Variants in PVT1 observed in about 807,000 individuals in gnomAD.
PVT1 encodes Pvt1 oncogene, also known as CXCR4/PVT1 fusion.
At chr8:127,993,624 C>A (rs562783918) in intron 4 of PVT1, among the ~76,000 whole-genome samples, 97 of 152,324 alleles carry the variant, frequency 6.4e-4, no homozygotes, top group African/African-American at 2.3e-3. Context: ...GGCATTTTGA[C>A]AGCACATAGG....
chr8:127,841,907 G>A (rs1157354973), intron 2 of PVT1, among the ~76,000 whole-genome samples: 1 of 151,934 alleles, frequency 6.6e-6, no homozygotes, highest in Non-Finnish European at 1.5e-5. Flanking sequence ...TGTCTTTTTA[G>A]TAGAGACGGG....
At chr8:127,912,358 C>T (rs1447717334) in intron 3 of PVT1, among the ~76,000 whole-genome samples, 1 of 152,200 alleles carries the variant, frequency 6.6e-6, no homozygotes, top group Non-Finnish European at 1.5e-5. Flanking sequence ...TTTACACACC[C>T]ACTCTACAGA....
intron 3 of PVT1, among the ~76,000 whole-genome samples, chr8:127,919,898 C>T (rs1816036617): frequency 6.6e-6 from 1 of 152,178 alleles, no homozygotes; most frequent in Admixed American, 6.5e-5. Flanking sequence ...CTTATCCCTT[C>T]GCAGCGGTAG....
chr8:127,997,877 C>T (rs757187711), intron 4 of PVT1, among the ~76,000 whole-genome samples: 3 of 152,176 alleles, frequency 2.0e-5, no homozygotes, highest in Admixed American at 6.5e-5. Context: ...TGGGCTGTGC[C>T]GCTTTCTCAG....
chr8:127,817,554 C>CAT (rs1814680471), intron 2 of PVT1, among the ~76,000 whole-genome samples: 1 of 80,518 alleles, frequency 1.2e-5, no homozygotes, highest in Non-Finnish European at 2.7e-5. Context: ...TATACACACA[C>CAT]ACACACATAT....
chr8:127,916,094 C>G (rs1389772352), intron 3 of PVT1, among the ~76,000 whole-genome samples: 1 of 152,216 alleles, frequency 6.6e-6, no homozygotes, highest in East Asian at 1.9e-4. Flanking sequence ...AGTCACAGTT[C>G]CACTATGTGG....
chr8:127,866,246 G>A (rs1449062742), intron 2 of PVT1, among the ~76,000 whole-genome samples: 1 of 152,154 alleles, frequency 6.6e-6, no homozygotes, highest in East Asian at 1.9e-4. Context: ...CACCCTCATG[G>A]TTTTCCATAA....
At chr8:127,850,291 T>C (rs1815094017) in intron 2 of PVT1, among the ~76,000 whole-genome samples, 1 of 152,176 alleles carries the variant, frequency 6.6e-6, no homozygotes, top group Non-Finnish European at 1.5e-5. Flanking sequence ...CAGGGAGTAG[T>C]ACTTTGGCCT....
At chr8:127,914,496 A>C (rs1815955423) in intron 3 of PVT1, among the ~76,000 whole-genome samples, 1 of 152,142 alleles carries the variant, frequency 6.6e-6, no homozygotes. Context: ...GTATGTCCAC[A>C]AAAAGCTTTT....
intron 4 of PVT1, among the ~76,000 whole-genome samples, chr8:128,065,429 AC>A (rs1477955499): frequency 6.6e-5 from 10 of 152,016 alleles, no homozygotes; most frequent in Non-Finnish European, 5.9e-5. Flanking sequence ...CAAGTGATCC[AC>A]CCACCTCAAT....
At chr8:127,843,267 C>T (rs754485695) in intron 2 of PVT1, among the ~76,000 whole-genome samples, 1 of 150,732 alleles carries the variant, frequency 6.6e-6, no homozygotes, top group Non-Finnish European at 1.5e-5. Context: ...ACTGCTTGAA[C>T]CCGGGAGGTG....
intron 4 of PVT1, among the ~76,000 whole-genome samples, chr8:128,054,592 C>T (rs1215572684): frequency 6.6e-6 from 1 of 152,154 alleles, no homozygotes; most frequent in East Asian, 1.9e-4. Context: ...GTCAGTTCTC[C>T]TTGTCTTCTG....
rs529042679 is a variant in PVT1 at position 127,907,053 on chromosome 8, C to T, written n.782+16055C>T. Among the ~76,000 whole-genome samples, 583 of 151,982 alleles carry T rather than the reference C, an allele frequency of 3.8e-3. 9 individuals are homozygous for T. The highest frequency in any genetic ancestry group is 0.013 in the African/African-American group (551 of 41,414). Reference sequence around the variant, plus strand: ...TCAGCTCACTTCAACCTCCCTCTCCCGGGCTCAAGCAATTCTCCTGTCTCA... The same window carrying T: ...TCAGCTCACTTCAACCTCCCTCTCCTGGGCTCAAGCAATTCTCCTGTCTCA... On this transcript the variant is annotated intron_variant and non_coding_transcript_variant, in intron 3 of 10. Transcript: ENST00000651587.
At chr8:128,059,812 A>C (rs2130118859) in intron 4 of PVT1, among the ~76,000 whole-genome samples, 1 of 152,360 alleles carries the variant, frequency 6.6e-6, no homozygotes, top group East Asian at 1.9e-4. Context: ...AACTACCTGA[A>C]GCCACATGCA....
At chr8:127,799,887 A>G (rs1814442622) in intron 2 of PVT1, among the ~76,000 whole-genome samples, 1 of 152,240 alleles carries the variant, frequency 6.6e-6, no homozygotes, top group South Asian at 2.1e-4. Context: ...ACTTCACTGT[A>G]GTTCTCTGCA....
At chr8:128,007,892 T>C (rs1817265860) in intron 4 of PVT1, among the ~76,000 whole-genome samples, 1 of 152,258 alleles carries the variant, frequency 6.6e-6, no homozygotes, top group Non-Finnish European at 1.5e-5. Flanking sequence ...CATCTGATCC[T>C]TAACAAAGTA....
chr8:127,886,292 G>A (rs1406163872), intron 2 of PVT1, among the ~76,000 whole-genome samples: 3 of 151,796 alleles, frequency 2.0e-5, no homozygotes, highest in Non-Finnish European at 4.4e-5. Context: ...ATATACTTAG[G>A]TGTGATTTAA....
intron 3 of PVT1, among the ~76,000 whole-genome samples, chr8:127,986,199 A>G (rs1816968419): frequency 6.6e-6 from 1 of 152,166 alleles, no homozygotes; most frequent in Non-Finnish European, 1.5e-5. Context: ...ATGATGTGAA[A>G]CTGTGGCATG....
At chr8:128,058,910 C>A (rs1454949087) in intron 4 of PVT1, among the ~76,000 whole-genome samples, 1 of 152,198 alleles carries the variant, frequency 6.6e-6, no homozygotes, top group African/African-American at 2.4e-5. Flanking sequence ...AGACGCATGG[C>A]TGTTCTCAGG....
Sources: gnomAD v4.1 joint callset for allele counts (sites outside exome capture counted in the v4.1 genomes callset) on GRCh38, gnomAD v4.1.1 for gene constraint, MANE v1.5 for transcripts, NCBI Gene and HGNC (gene_info 2026-07-23, HGNC 2026-07-21) for gene names.